Variants in DMXL2 observed in about 807,000 individuals in gnomAD.
DMXL2 encodes the protein dmX-like protein 2.
Under a neutral mutation model 331.1 loss-of-function variants are expected in DMXL2, and 103 were observed. The ratio of observed to expected loss-of-function variants is 0.31; its 90% confidence interval spans 0.27 to 0.37. The LOEUF (loss-of-function observed/expected upper bound fraction) is 0.37, where lower values mean the gene tolerates loss of function less well. DMXL2 is among the 10% of genes least tolerant of loss of function. The pLI, the probability that DMXL2 is intolerant of heterozygous loss-of-function variation, is 1.00. For synonymous variants in DMXL2, 1,281 were observed against 1,252.1 expected (o/e 1.02, Z -0.49); for missense variants, 3,171 against 3,642.9 (o/e 0.87, Z 3.33).
chr15:51,566,242 T>G (rs1049459492), intron 3 of DMXL2, among the ~76,000 whole-genome samples: 10 of 34,910 alleles, frequency 2.9e-4, no homozygotes, highest in African/African-American at 9.6e-4. Context: ...GGTGTGTGTG[T>G]GTGTGTGTGT....
chr15:51,621,979 T>C (rs1378323283), intron 1 of DMXL2, among the ~76,000 whole-genome samples: 4 of 152,134 alleles, frequency 2.6e-5, no homozygotes, highest in South Asian at 2.1e-4. Context: ...CTCGCTGCCC[T>C]AGCACAGCGG....
chr15:51,468,409 A>G (rs1224567978), intron 29 of DMXL2, among the ~76,000 whole-genome samples: 1 of 152,194 alleles, frequency 6.6e-6, no homozygotes, highest in Non-Finnish European at 1.5e-5. Context: ...GGATAATCTG[A>G]GTCCCCATGA....
chr15:51,569,219 C>T (rs1435925648), intron 2 of DMXL2, among the ~76,000 whole-genome samples: 2 of 152,180 alleles, frequency 1.3e-5, no homozygotes, highest in African/African-American at 4.8e-5. Context: ...ATCACAGCAT[C>T]TGAGGTTGAC....
At chr15:51,559,509 G>A (rs1362665711) in intron 6 of DMXL2, among the ~76,000 whole-genome samples, 1 of 152,138 alleles carries the variant, frequency 6.6e-6, no homozygotes, top group East Asian at 1.9e-4. Flanking sequence ...GAGGTCAGGA[G>A]TTCAAAACCA....
At chr15:51,486,373 T>A in intron 22 of DMXL2, 36 bp from the exon 23 acceptor site, 1 of 1,411,236 alleles carries the variant, frequency 7.1e-7, no homozygotes, top group Non-Finnish European at 9.8e-7. Context: ...TCTTACTTAA[T>A]GATAATTATT....
chr15:51,536,296 C>T lies in DMXL2; in HGVS notation c.2184G>A (p.Trp728Ter), dbSNP rs1435432782. The stretch of plus-strand genomic sequence containing the variant: ...ACAAAGGTCCTATTGGGTCTACACG[C>T]CACAGAATAAGTTCACTGTAGATTG... The part of the protein sequence containing the change: ...PNAIYSELIL[W>*]RVDPIGPLSY... Residue 728 changes from tryptophan to a stop codon, truncating the protein, a stop_gained, in exon 12 of 44, where the codon TGG becomes TGA. Transcript: ENST00000560891. LOFTEE classifies it high-confidence loss of function. 6.2e-7 allele frequency: 1 copy of T among 1,614,020 alleles called. No homozygotes were observed. The highest frequency in any genetic ancestry group is 1.3e-5 in the African/African-American group (1 of 75,020).
intron 42 of DMXL2, among the ~76,000 whole-genome samples, chr15:51,451,311 C>A (rs1296120873): frequency 6.6e-6 from 1 of 152,152 alleles, no homozygotes; most frequent in Non-Finnish European, 1.5e-5. Context: ...AGGTTTAATT[C>A]TTTAAAATAT....
intron 26 of DMXL2, among the ~76,000 whole-genome samples, chr15:51,477,067 A>G (rs1055508871): frequency 6.6e-6 from 1 of 152,086 alleles, no homozygotes; most frequent in African/African-American, 2.4e-5. Context: ...GTACTAGGAT[A>G]CAGTAGGCAG....
intron 1 of DMXL2, among the ~76,000 whole-genome samples, chr15:51,599,382 T>C (rs1277267039): frequency 1.3e-5 from 2 of 152,306 alleles, no homozygotes; most frequent in South Asian, 2.1e-4. Context: ...CAGCTGACAG[T>C]TAGGAAAACA....
chr15:51,620,868 C>T (rs2054580411), intron 1 of DMXL2, among the ~76,000 whole-genome samples: 1 of 152,200 alleles, frequency 6.6e-6, no homozygotes, highest in Non-Finnish European at 1.5e-5. Context: ...CTTACACAGG[C>T]TTTTCCAGGC....
chr15:51,571,483 T>A (rs2050666316), intron 2 of DMXL2, among the ~76,000 whole-genome samples: 1 of 152,190 alleles, frequency 6.6e-6, no homozygotes, highest in Non-Finnish European at 1.5e-5. Context: ...AGAGTATACA[T>A]TCTTCTCAGC....
At chr15:51,558,747 G>T (rs1347641007) in intron 6 of DMXL2, among the ~76,000 whole-genome samples, 2 of 152,134 alleles carry the variant, frequency 1.3e-5, no homozygotes, top group Non-Finnish European at 2.9e-5. Context: ...GTTGTTCTTG[G>T]AAAGCCTACC....
At position 51,502,858 on chromosome 15, in the gene DMXL2, T is replaced by A. The variant is rs2140514284; in HGVS notation, c.2940A>T (p.Gln980His). Residue 980 changes from glutamine to histidine, a missense_variant, in exon 17 of 44, where the codon CAA becomes CAT. By Grantham distance (24) the Gln-to-His change is conservative. Around this residue, in one of 7 missense-constraint regions of DMXL2, gnomAD observed 1,674 missense variants for 1,780.2 expected, o/e 0.94. Transcript: ENST00000560891. The stretch of plus-strand genomic sequence containing the variant: ...CAACTGATTCTGGGAGATCAAGGGG[T>A]TGGCTATACACCAGTCTAGAACTCA... ...LILSSRLVYS[Q>H]PLDLPESVEV... The A allele has an allele frequency of 1.9e-6, 3 of 1,614,028 alleles. No individual in the cohort carries two copies. The highest frequency in any genetic ancestry group is 3.3e-5 in the Admixed American group (2 of 60,004).
chr15:51,613,980 A>G (rs1238375666), intron 1 of DMXL2, among the ~76,000 whole-genome samples: 2 of 152,188 alleles, frequency 1.3e-5, no homozygotes, highest in African/African-American at 4.8e-5. Flanking sequence ...TGTGGACTAT[A>G]TTGTGTAACC....
At chr15:51,564,391 CTT>C in intron 4 of DMXL2, 131 bp from the exon 5 acceptor site, 2 of 591,336 alleles carry the variant, frequency 3.4e-6, no homozygotes, top group East Asian at 7.1e-5. Flanking sequence ...ACGAAAAACA[CTT>C]GGTATATATT....
At chr15:51,568,296 T>C (rs2050427424) in intron 3 of DMXL2, 191 bp downstream of exon 3, 7 of 485,042 alleles carry the variant, frequency 1.4e-5, no homozygotes, top group Non-Finnish European at 2.6e-5. Flanking sequence ...TTCTAGAGAC[T>C]TGGGTTTCTA....
intron 4 of DMXL2, 28 bp from the exon 5 acceptor site, chr15:51,564,288 T>G (rs757213374): frequency 2.0e-6 from 3 of 1,509,166 alleles, no homozygotes; most frequent in African/African-American, 2.9e-5. Context: ...TTATGATGAA[T>G]ATGCAAATAT....
rs145122240 is a variant in DMXL2, at chr15:51,547,779, T to C, written c.568-371A>G. Among the ~76,000 whole-genome samples the C allele has an allele frequency of 6.2e-4, 95 of 152,222 alleles. 1 individual carries two copies. In the East Asian group the frequency reaches 0.017, roughly 28 times the overall value. On this transcript the variant is annotated intron_variant, in intron 6 of 43. Coordinates refer to ENST00000560891, the MANE Select transcript of DMXL2 (RefSeq NM_001378457.1). ...CTTTTCAGTCATTGTTATCCTTTCC[T>C]TTTTGAAGTGGTCTTTAACAGTGAA...
chr15:51,534,097 AGACTTCGGGATATT>A (rs765585742), intron 13 of DMXL2, among the ~76,000 whole-genome samples: 4 of 152,178 alleles, frequency 2.6e-5, no homozygotes, highest in Non-Finnish European at 5.9e-5. Context: ...GGAGGGGGAA[AGACTTCGGGATATT>A]GACAGTCAGC....
Sources: allele counts gnomAD v4.1 joint callset (sites outside exome capture counted in the v4.1 genomes callset), GRCh38; gene constraint gnomAD v4.1.1; regional missense constraint gnomAD v4.1.1; transcripts MANE v1.5; gene names NCBI Gene and HGNC (gene_info 2026-07-23, HGNC 2026-07-21).